Variants in DPP10 observed in about 807,000 individuals in gnomAD.
The protein encoded by DPP10 is inactive dipeptidyl peptidase 10.
Under a neutral mutation model 120.9 loss-of-function variants are expected in DPP10, and 33 were observed. The observed-to-expected ratio is 0.27, with a 90% CI of 0.21 to 0.37. DPP10 has a LOEUF of 0.37. Among genes scored for constraint, DPP10 ranks in the 10% least tolerant of loss-of-function variants. The probability of loss-of-function intolerance (pLI) is 1.00; values close to 1 mark genes in which losing one functional copy is unlikely to be tolerated. For missense variants in DPP10, 816 were observed against 942.8 expected (o/e 0.87, Z 1.76); for synonymous variants, 337 against 326.1 (o/e 1.03, Z -0.36).
chr2:115,688,280 C>T (rs543849268), intron 5 of DPP10, among the ~76,000 whole-genome samples: 28 of 152,080 alleles, frequency 1.8e-4, no homozygotes, highest in Non-Finnish European at 4.1e-4. Flanking sequence ...TTGTAAAACA[C>T]AATACTCTAA....
At chr2:114,859,886 C>T (rs1353750498) in intron 1 of DPP10, among the ~76,000 whole-genome samples, 1 of 152,162 alleles carries the variant, frequency 6.6e-6, no homozygotes, top group African/African-American at 2.4e-5. Flanking sequence ...GCTTCTGAAG[C>T]ATTAATTATA....
At chr2:115,815,790 T>C in intron 21 of DPP10, 61 bp downstream of exon 21, 1 of 1,494,256 alleles carries the variant, frequency 6.7e-7, no homozygotes, top group East Asian at 2.3e-5. Context: ...TAATATCCTA[T>C]TACACATTCA....
At chr2:114,518,568 A>T (rs1684795486) in intron 1 of DPP10, among the ~76,000 whole-genome samples, 1 of 152,152 alleles carries the variant, frequency 6.6e-6, no homozygotes, top group Non-Finnish European at 1.5e-5. Context: ...AATTCGTTCC[A>T]GGATGCTTGC....
rs2083046435 is a variant in DPP10 at position 115,597,231 on chromosome 2, ACT to A, written c.441+71262_441+71263del. ...TAGGCAACCCAACACCAGTCAGCACACTCTATAATCAGCCCATTCCCTAGACA... is the reference window on the plus strand; with the variant it reads ...TAGGCAACCCAACACCAGTCAGCACACTATAATCAGCCCATTCCCTAGACA... On this transcript the variant is annotated intron_variant, in intron 5 of 25. Coordinates refer to ENST00000410059, the MANE Select transcript of DPP10 (RefSeq NM_020868.6). Among the ~76,000 whole-genome samples, 3 of 152,058 alleles carry A rather than the reference ACT, an allele frequency of 2.0e-5. No individual in the cohort carries two copies. The South Asian group carries it at 6.2e-4, about 31-fold the overall frequency.
chr2:115,197,686 T>G (rs1446654199), intron 1 of DPP10, among the ~76,000 whole-genome samples: 1 of 152,196 alleles, frequency 6.6e-6, no homozygotes, highest in Non-Finnish European at 1.5e-5. Context: ...TGACTTTATC[T>G]GGGTAGCTAG....
chr2:114,474,254 C>G (rs919419743), intron 1 of DPP10, among the ~76,000 whole-genome samples: 1 of 152,206 alleles, frequency 6.6e-6, no homozygotes, highest in Non-Finnish European at 1.5e-5. Flanking sequence ...TTGCGCCCAG[C>G]CGCTTTTGCT....
chr2:115,268,586 A>G (rs1189594154), intron 1 of DPP10, among the ~76,000 whole-genome samples: 1 of 152,248 alleles, frequency 6.6e-6, no homozygotes, highest in Non-Finnish European at 1.5e-5. Flanking sequence ...TTTGGAAAGA[A>G]AGATCCTAAT....
chr2:114,844,607 T>A (rs1055049491), intron 1 of DPP10, among the ~76,000 whole-genome samples: 2 of 152,016 alleles, frequency 1.3e-5, no homozygotes, highest in Non-Finnish European at 2.9e-5. Flanking sequence ...TTTAAGAACT[T>A]CCTTTTAGAG....
At chr2:115,213,827 A>G (rs1338813361) in intron 1 of DPP10, among the ~76,000 whole-genome samples, 2 of 152,166 alleles carry the variant, frequency 1.3e-5, no homozygotes, top group Non-Finnish European at 2.9e-5. Flanking sequence ...TATAGTACTT[A>G]GACTACTGTT....
intron 3 of DPP10, among the ~76,000 whole-genome samples, chr2:115,457,802 C>G (rs1014907884): frequency 6.6e-6 from 1 of 152,090 alleles, no homozygotes; most frequent in Non-Finnish European, 1.5e-5. Context: ...AGTAATTCCA[C>G]TGTTATTTAT....
intron 1 of DPP10, among the ~76,000 whole-genome samples, chr2:114,771,914 C>T (rs1681297446): frequency 6.6e-6 from 1 of 151,852 alleles, no homozygotes; most frequent in South Asian, 2.1e-4. Flanking sequence ...CTTGAAACAC[C>T]CTTTACTCTC....
At position 114,855,975 on chromosome 2, in the gene DPP10, G is replaced by A. The variant is rs184233906; in HGVS notation, c.60+413137G>A. On this transcript the variant is annotated intron_variant, in intron 1 of 25. Transcript: ENST00000410059. ...AAAAAAAAAAGCCACAGAACAAACCGTTAACATTTTTCTTCAATTGTCAAA... is the reference window on the plus strand; with the variant it reads ...AAAAAAAAAAGCCACAGAACAAACCATTAACATTTTTCTTCAATTGTCAAA... 1.1e-3 allele frequency among the ~76,000 whole-genome samples: 169 copies of A among 148,424 alleles called. 2 individuals carry two copies. The highest frequency in any genetic ancestry group is 3.9e-3 in the African/African-American group (159 of 40,712).
intron 5 of DPP10, among the ~76,000 whole-genome samples, chr2:115,676,035 T>A (rs1413073852): frequency 6.6e-6 from 1 of 152,064 alleles, no homozygotes; most frequent in Non-Finnish European, 1.5e-5. Context: ...GAGGAAGCTT[T>A]CCCCCGGACG....
intron 7 of DPP10, among the ~76,000 whole-genome samples, chr2:115,716,168 A>G (rs948462463): frequency 1.1e-4 from 16 of 152,232 alleles, no homozygotes; most frequent in African/African-American, 3.1e-4. Context: ...GACAATATCA[A>G]TGAAAACACT....
chr2:115,474,508 C>T (rs1487312827), intron 3 of DPP10, among the ~76,000 whole-genome samples: 3 of 152,110 alleles, frequency 2.0e-5, no homozygotes, highest in East Asian at 3.9e-4. Context: ...GCATTTTGCC[C>T]ATGCCTTATG....
intron 1 of DPP10, among the ~76,000 whole-genome samples, chr2:115,181,004 T>TTAGGAATTTTA (rs767429482): frequency 6.6e-6 from 1 of 151,702 alleles, no homozygotes; most frequent in Non-Finnish European, 1.5e-5. Flanking sequence ...AAAATATACG[T>TTAGGAATTTTA]CACTTAGTGA....
intron 1 of DPP10, among the ~76,000 whole-genome samples, chr2:115,226,407 A>G (rs1332832129): frequency 1.3e-5 from 2 of 152,200 alleles, no homozygotes; most frequent in Admixed American, 6.6e-5. Flanking sequence ...ATCTGCTTCC[A>G]TTCTTGGTCA....
In DPP10 at chr2:115,336,558, ACTCT is replaced by A. The variant is rs70941045; in HGVS notation, c.176-7238_176-7235del. Among the ~76,000 whole-genome samples, 303 of 144,626 alleles carry A rather than the reference ACTCT, an allele frequency of 2.1e-3. 1 individual carries two copies. The highest frequency in any genetic ancestry group is 9.1e-3 in the South Asian group (42 of 4,606). 94.9% of individuals were successfully genotyped at this position (144,626 alleles called of 152,430 possible). ...GGTTTTCAGACTTTCATACATGTGT[ACTCT>A]CTCTCTCTCTCTCTCTCTCTGTCTC... is the stretch of plus-strand genomic sequence containing the variant. On this transcript the variant is annotated intron_variant, in intron 2 of 25. Transcript: ENST00000410059.
intron 5 of DPP10, among the ~76,000 whole-genome samples, chr2:115,591,976 T>A (rs1470304328): frequency 6.6e-6 from 1 of 151,454 alleles, no homozygotes; most frequent in East Asian, 1.9e-4. Flanking sequence ...TGTTATTGCT[T>A]TCCTTTTCAT....
Sources: gnomAD v4.1 joint callset for allele counts (sites outside exome capture counted in the v4.1 genomes callset) on GRCh38, gnomAD v4.1.1 for gene constraint, MANE v1.5 for transcripts, NCBI Gene and HGNC (gene_info 2026-07-23, HGNC 2026-07-21) for gene names.